Variants in PLAC1 observed in about 807,000 individuals in gnomAD.
PLAC1 encodes placenta-specific protein 1.
For synonymous variants in PLAC1, 68 were observed against 62.1 expected (o/e 1.09, Z -0.44); for missense variants, 136 against 163.2 (o/e 0.83, Z 0.91).
At position 134,664,659 on chromosome X, in the gene PLAC1, A is replaced by T. The variant is rs944313278; in HGVS notation, n.175-62537T>A. ...GGCCCAGAAGATGCAGTGCAAGGTGATGTGCAGATGAGGACGTTGACATTT... is the reference window on the plus strand; with the variant it reads ...GGCCCAGAAGATGCAGTGCAAGGTGTTGTGCAGATGAGGACGTTGACATTT... On this transcript the variant is annotated intron_variant and non_coding_transcript_variant, in intron 2 of 2. Transcript: ENST00000466797. Among the ~76,000 whole-genome samples the T allele has an allele frequency of 3.6e-5, 4 of 112,314 alleles. No homozygotes were observed. In the Admixed American group the frequency reaches 3.8e-4, roughly 11 times the overall value.
chrX:134,655,362 C>CAT (rs1317883465), intron 1 of PLAC1, among the ~76,000 whole-genome samples: 24 of 106,600 alleles, frequency 2.3e-4, no homozygotes, highest in Non-Finnish European at 3.9e-4. Flanking sequence ...CACACACACA[C>CAT]ACATATATTT....
chrX:134,647,410 C>CTGTGTGTGTGTGTGTG (rs200761671), intron 1 of PLAC1, among the ~76,000 whole-genome samples: 13 of 90,146 alleles, frequency 1.4e-4, no homozygotes, highest in African/African-American at 4.6e-4. Flanking sequence ...ATGCATGCAT[C>CTGTGTGTGTGTGTGTG]TGTGTGTGTG....
intron 1 of PLAC1, among the ~76,000 whole-genome samples, chrX:134,759,390 C>A (rs192524422): frequency 9.0e-6 from 1 of 111,161 alleles, no homozygotes; most frequent in East Asian, 2.8e-4. Flanking sequence ...ACCTCTTGAT[C>A]CACCCGCCTC....
chrX:134,595,621 A>G (rs775544545), intron 2 of PLAC1, among the ~76,000 whole-genome samples: 2,715 of 106,865 alleles, frequency 0.025, 91 homozygotes, highest in African/African-American at 0.088. Context: ...ATGTGTGTAT[A>G]TATATATATA....
At chrX:134,605,468 G>A (rs2078118054) in intron 1 of PLAC1, 1 of 112,308 alleles carries the variant, frequency 8.9e-6, no homozygotes, top group Non-Finnish European at 1.9e-5. Context: ...GAGACAAATG[G>A]CTGGAGACTG....
intron 2 of PLAC1, 51 bp from the exon 3 acceptor site, chrX:134,566,791 G>A: frequency 1.7e-6 from 1 of 598,431 alleles, no homozygotes; most frequent in Non-Finnish European, 2.6e-6. Context: ...TCTATTGAAA[G>A]TTCAAACATG....
At chrX:134,643,323 G>A (rs1288166724) in intron 1 of PLAC1, among the ~76,000 whole-genome samples, 1 of 111,472 alleles carries the variant, frequency 9.0e-6, no homozygotes, top group African/African-American at 3.3e-5. Flanking sequence ...GTCTTTAAAG[G>A]TAAAGTGTAC....
chrX:134,689,293 A>G (rs1037782111), intron 2 of PLAC1, among the ~76,000 whole-genome samples: 1 of 112,288 alleles, frequency 8.9e-6, no homozygotes, highest in Non-Finnish European at 1.9e-5. Flanking sequence ...ATTGTTTACT[A>G]TATCAAGTCC....
chrX:134,675,335 C>T (rs2078469587), intron 2 of PLAC1, among the ~76,000 whole-genome samples: 2 of 112,674 alleles, frequency 1.8e-5, no homozygotes, highest in African/African-American at 6.4e-5. Flanking sequence ...CCCCACAGGC[C>T]TCCCCAAACA....
At chrX:134,593,555 A>G (rs1272199972) in intron 2 of PLAC1, among the ~76,000 whole-genome samples, 3 of 112,252 alleles carry the variant, frequency 2.7e-5, no homozygotes, top group Admixed American at 1.9e-4. Context: ...ATGCTTCTCC[A>G]TTGAGTTAGA....
At chrX:134,708,534 C>CT (rs758488220) in intron 2 of PLAC1, among the ~76,000 whole-genome samples, 2,740 of 73,624 alleles carry the variant, frequency 0.037, 203 homozygotes, top group African/African-American at 0.13. Flanking sequence ...CATTCTGTAT[C>CT]TTTTTTTTTT....
rs776835803 is a variant in PLAC1 at position 134,723,465 on chromosome X, C to T, written n.174+9970G>A. On this transcript the variant is annotated intron_variant and non_coding_transcript_variant, in intron 2 of 2. Transcript: ENST00000466797. The stretch of plus-strand genomic sequence containing the variant: ...GGGACAGTAGGCACGCACCACCACA[C>T]CTGGCCGATTTTGTAAAATTTTTGT... 2.7e-5 allele frequency among the ~76,000 whole-genome samples: 3 copies of T among 109,468 alleles called. No homozygotes were observed. The South Asian group carries it at 1.2e-3, about 45-fold the overall frequency.
chrX:134,710,723 A>G (rs2078625597), intron 2 of PLAC1, among the ~76,000 whole-genome samples: 1 of 111,761 alleles, frequency 8.9e-6, no homozygotes, highest in Non-Finnish European at 1.9e-5. Flanking sequence ...AGTATATCAT[A>G]GTTTGGAAGA....
intron 2 of PLAC1, among the ~76,000 whole-genome samples, chrX:134,732,760 A>G (rs1391668368): frequency 5.3e-5 from 6 of 112,370 alleles, no homozygotes; most frequent in African/African-American, 1.9e-4. Flanking sequence ...TCTGCAAGGA[A>G]TATGTCCAAT....
At chrX:134,630,169 C>T (rs1200726405) in intron 1 of PLAC1, among the ~76,000 whole-genome samples, 1 of 110,310 alleles carries the variant, frequency 9.1e-6, no homozygotes, top group Non-Finnish European at 1.9e-5. Context: ...CGCGGTTTCT[C>T]CATGTTGGTC....
chrX:134,685,208 C>A (rs1336100937), intron 2 of PLAC1, among the ~76,000 whole-genome samples: 2 of 111,686 alleles, frequency 1.8e-5, no homozygotes, highest in African/African-American at 6.5e-5. Flanking sequence ...TAGACATCTG[C>A]AGCATTAGGT....
intron 2 of PLAC1, among the ~76,000 whole-genome samples, chrX:134,683,153 A>G (rs2078504498): frequency 1.8e-5 from 2 of 111,531 alleles, no homozygotes; most frequent in African/African-American, 6.5e-5. Flanking sequence ...ATCAAGAAGT[A>G]GATAGCTTTA....
chrX:134,648,706 A>G (rs779906143), intron 1 of PLAC1, among the ~76,000 whole-genome samples: 5 of 111,466 alleles, frequency 4.5e-5, no homozygotes, highest in Non-Finnish European at 7.5e-5. Context: ...GTTAAAAAAT[A>G]AAAAACATTG....
At chrX:134,742,587 C>CA (rs375572352) in intron 1 of PLAC1, among the ~76,000 whole-genome samples, 1,273 of 92,896 alleles carry the variant, frequency 0.014, 26 homozygotes, top group African/African-American at 0.045. Flanking sequence ...GACTCTGTTT[C>CA]AAAAAAAAAA....
Sources: allele counts gnomAD v4.1 joint callset (sites outside exome capture counted in the v4.1 genomes callset), GRCh38; gene constraint gnomAD v4.1.1; transcripts MANE v1.5; gene names NCBI Gene and HGNC (gene_info 2026-07-23, HGNC 2026-07-21).